The following CCDC88C variants were observed in gnomAD, a reference collection of about 807,000 sequenced individuals.
The protein encoded by CCDC88C is coiled-coil and HOOK domain protein 88C.
In CCDC88C, 131 loss-of-function variants were observed where a neutral mutation model predicts 198.8. That is an observed-to-expected ratio of 0.66 (90% CI 0.57 to 0.76). The LOEUF (loss-of-function observed/expected upper bound fraction) is 0.76, where lower values mean the gene tolerates loss of function less well. Ranked by LOEUF, CCDC88C falls within the 30% of genes least tolerant of loss-of-function variation. The probability of loss-of-function intolerance (pLI) is 0.00; values close to 1 mark genes in which losing one functional copy is unlikely to be tolerated. For synonymous variants in CCDC88C, 1,166 were observed against 1,114.7 expected (o/e 1.05, Z -0.92); for missense variants, 2,553 against 2,631.6 (o/e 0.97, Z 0.65).
intron 18 of CCDC88C, among the ~76,000 whole-genome samples, chr14:91,306,502 C>G (rs776135198): frequency 2.0e-5 from 3 of 152,174 alleles, no homozygotes; most frequent in Non-Finnish European, 2.9e-5. Context: ...GCTTTATCAT[C>G]GATCAAATAA....
At position 91,371,661 on chromosome 14, in the gene CCDC88C, C is replaced by T. The variant is rs1256885603; in HGVS notation, c.271-11950G>A. ...TGTCCTGGGCACACCCTCCCTAGCT[C>T]AGCAGAAGCAAGGCCTTCCTCGTCC... On this transcript the variant is annotated intron_variant, in intron 3 of 29. Coordinates refer to ENST00000389857, the MANE Select transcript of CCDC88C (RefSeq NM_001080414.4). The surrounding 1 kb of genome is among the most constrained non-coding windows in gnomAD (Gnocchi z 4.2). Among the ~76,000 whole-genome samples, 1 of 152,158 alleles carries T rather than the reference C, an allele frequency of 6.6e-6. No individual in the cohort carries two copies. The highest frequency in any genetic ancestry group is 2.4e-5 in the African/African-American group (1 of 41,426).
chr14:91,403,223 G>T (rs547267549), intron 3 of CCDC88C, among the ~76,000 whole-genome samples: 4 of 152,292 alleles, frequency 2.6e-5, no homozygotes, highest in Admixed American at 2.0e-4. Flanking sequence ...AATCCAATGG[G>T]TAAGTCCCCA....
intron 3 of CCDC88C, among the ~76,000 whole-genome samples, chr14:91,368,992 G>C (rs1266637123): frequency 3.3e-5 from 5 of 152,168 alleles, no homozygotes; most frequent in Non-Finnish European, 1.5e-5. Flanking sequence ...ACATTCATGC[G>C]AGGTGGCCAG....
Position 91,381,494 on chromosome 14 carries a change from C to T in CCDC88C, c.271-21783G>A, listed in dbSNP as rs1884787646. ...AGAGAGCAGGCAGCAACACTTTCTG[C>T]CCCAGGTGGCCCCTGCAGGGGACTG... On this transcript the variant is annotated intron_variant, in intron 3 of 29. Coordinates refer to ENST00000389857, the MANE Select transcript of CCDC88C (RefSeq NM_001080414.4). This position sits in a 1 kb window ranked among gnomAD's most constrained non-coding sequence, Gnocchi z 4.2. Among the ~76,000 whole-genome samples, 1 of 152,222 alleles carries T rather than the reference C, an allele frequency of 6.6e-6. No homozygotes were observed. The highest frequency in any genetic ancestry group is 6.5e-5 in the Admixed American group (1 of 15,286).
intron 3 of CCDC88C, among the ~76,000 whole-genome samples, chr14:91,402,547 T>C (rs1419459288): frequency 6.6e-6 from 1 of 152,130 alleles, no homozygotes; most frequent in African/African-American, 2.4e-5. Flanking sequence ...CACACGCATA[T>C]ATATACAACA....
At chr14:91,290,590 T>G (rs1890618708) in intron 24 of CCDC88C, among the ~76,000 whole-genome samples, 1 of 152,206 alleles carries the variant, frequency 6.6e-6, no homozygotes, top group South Asian at 2.1e-4. Context: ...GTTCCCACAT[T>G]TGAAGACCAT....
intron 3 of CCDC88C, among the ~76,000 whole-genome samples, chr14:91,369,946 C>T (rs1013003086): frequency 1.3e-5 from 2 of 152,250 alleles, no homozygotes; most frequent in African/African-American, 4.8e-5. Context: ...CAGAAAACCC[C>T]CTCCCACGGA....
At chr14:91,386,166 G>A (rs1347773398) in intron 3 of CCDC88C, among the ~76,000 whole-genome samples, 8 of 151,612 alleles carry the variant, frequency 5.3e-5, no homozygotes, top group Non-Finnish European at 7.4e-5. Context: ...AGAGCAGGCC[G>A]GGCGCGGTGG....
intron 1 of CCDC88C, chr14:91,417,306 G>A: frequency 1.5e-6 from 1 of 650,072 alleles, no homozygotes; most frequent in Admixed American, 2.3e-5. Context: ...TAAACCCCAG[G>A]GACAGGAGTG....
rs1378501831 is a variant in CCDC88C at position 91,352,844 on chromosome 14, G to A, written c.340+6798C>T. Among the ~76,000 whole-genome samples, 1 of 152,188 alleles carries A rather than the reference G, an allele frequency of 6.6e-6. No individual in the cohort carries two copies. The highest frequency in any genetic ancestry group is 1.9e-4 in the East Asian group (1 of 5,182). On this transcript the variant is annotated intron_variant, in intron 4 of 29. Coordinates refer to ENST00000389857, the MANE Select transcript of CCDC88C (RefSeq NM_001080414.4). This position sits in a 1 kb window ranked among gnomAD's most constrained non-coding sequence, Gnocchi z 4.2. ...GAGGGCCGCAGGGCCAGGAAGACAG[G>A]GCTTTTGATTTTTAAAAGCACCATC...
chr14:91,348,151 G>A (rs1328228292), intron 4 of CCDC88C, among the ~76,000 whole-genome samples: 1 of 151,876 alleles, frequency 6.6e-6, no homozygotes, highest in African/African-American at 2.4e-5. Flanking sequence ...GATTACAGGC[G>A]CACACCACCA....
In CCDC88C at chr14:91,307,628, T is replaced by C. The variant is rs369457858; in HGVS notation, c.3007-402A>G. Among the ~76,000 whole-genome samples, 21 of 152,342 alleles carry C rather than the reference T, an allele frequency of 1.4e-4. 1 individual carries two copies. The East Asian group carries it at 1.5e-3, about 11-fold the overall frequency. ...CTTTATCCAGATTCCTATTCAATCC[T>C]GCAGCCAAGAAGCATGGCATGTGTT... On this transcript the variant is annotated intron_variant, in intron 17 of 29. Coordinates refer to ENST00000389857, the MANE Select transcript of CCDC88C (RefSeq NM_001080414.4).
In CCDC88C at chr14:91,289,099, C is replaced by T; in HGVS notation, c.4441+6G>A. On this transcript the variant is annotated splice_donor_region_variant and intron_variant, in intron 25 of 29. Coordinates refer to ENST00000389857, the MANE Select transcript of CCDC88C (RefSeq NM_001080414.4). ...ACCCGACCACGGCCAGGACGGCCGC[C>T]CCTACCTTTCCCCACAGACCCGTTG... The T allele has an allele frequency of 6.2e-7, 1 of 1,610,300 alleles. No homozygotes were observed. Among genetic ancestry groups the T allele is most frequent in the Non-Finnish European group, 8.5e-7 (1 of 1,179,246 alleles).
intron 27 of CCDC88C, among the ~76,000 whole-genome samples, chr14:91,280,981 T>G (rs915942286): frequency 1.3e-5 from 2 of 152,198 alleles, no homozygotes; most frequent in Admixed American, 6.5e-5. Context: ...AAAGCAGCTT[T>G]TGATTTTTGA....
intron 3 of CCDC88C, among the ~76,000 whole-genome samples, chr14:91,401,235 T>TTTATATA (rs981261571): frequency 6.9e-6 from 1 of 145,738 alleles, no homozygotes; most frequent in Non-Finnish European, 1.5e-5. Flanking sequence ...AATATATATA[T>TTTATATA]TTATATATTA....
rs753983168 is a variant in CCDC88C at position 91,303,732 on chromosome 14, G to C, written c.3604C>G (p.Leu1202Val). 5 of 1,604,806 alleles carry C rather than the reference G, an allele frequency of 3.1e-6. No individual in the cohort carries two copies. The highest frequency in any genetic ancestry group is 4.3e-6 in the Non-Finnish European group (5 of 1,174,330). ...HSCLKTLHRN[L>V]ELEHKELGER... is the part of the protein sequence containing the mutation. ...CCGAGCTCCTTGTGCTCCAGCTCCA[G>C]ATTCCGATGCAGTGTCTTTAGGCAG... The change falls in exon 20 of 30, where the codon CTG becomes GTG. Residue 1202 changes from leucine (L) to valine (V), a missense_variant. By Grantham distance (32) the Leu-to-Val change is conservative. Coordinates refer to ENST00000389857, the MANE Select transcript of CCDC88C (RefSeq NM_001080414.4).
intron 6 of CCDC88C, among the ~76,000 whole-genome samples, 188 bp from the exon 7 acceptor site, chr14:91,340,212 C>G (rs1319785687): frequency 6.6e-6 from 1 of 152,216 alleles, no homozygotes; most frequent in Non-Finnish European, 1.5e-5. Context: ...TCATACGAAC[C>G]ACTTCTGCTT....
At chr14:91,407,209 C>A (rs1285834) in intron 3 of CCDC88C, among the ~76,000 whole-genome samples, 73,511 of 151,994 alleles carry the variant, frequency 0.48, 18,582 homozygotes, top group East Asian at 0.85. Flanking sequence ...CAGCCCTCAA[C>A]AGGAACTGGG....
At chr14:91,360,372 T>C (rs1290316140) in intron 3 of CCDC88C, among the ~76,000 whole-genome samples, 4 of 151,926 alleles carry the variant, frequency 2.6e-5, no homozygotes, top group African/African-American at 9.7e-5. Context: ...CGCTTGAACC[T>C]GGGTGGTCGA....
Sources: gnomAD v4.1 joint callset for allele counts (sites outside exome capture counted in the v4.1 genomes callset) on GRCh38, gnomAD v4.1.1 for gene constraint, Gnocchi (gnomAD v3.1) non-coding constraint, MANE v1.5 for transcripts, NCBI Gene and HGNC (gene_info 2026-07-23, HGNC 2026-07-21) for gene names.